The following DUSP16 variants were observed in gnomAD, a reference collection of about 807,000 sequenced individuals.
DUSP16 encodes dual specificity phosphatase 16.
DUSP16 carries 21 observed loss-of-function variants against 58.3 expected under a neutral mutation model. The ratio of observed to expected loss-of-function variants is 0.36; its 90% CI spans 0.26 to 0.52. The LOEUF is 0.52. Among genes scored for constraint, DUSP16 ranks in the 20% least tolerant of loss-of-function variants. The pLI is 0.94. For synonymous variants in DUSP16, 320 were observed against 323.8 expected, an observed-to-expected ratio of 0.99 and a Z score of 0.12; for missense variants, 726 against 819.0, an observed-to-expected ratio of 0.89 and a Z score of 1.39.
chr12:12,557,546 T>G (rs1944825896), intron 1 of DUSP16, among the ~76,000 whole-genome samples: 1 of 152,224 alleles, frequency 6.6e-6, no homozygotes, highest in Non-Finnish European at 1.5e-5. Flanking sequence ...ATTTCTTTTT[T>G]TAAAAACTGG....
intron 1 of DUSP16, among the ~76,000 whole-genome samples, chr12:12,547,127 T>C (rs773375255): frequency 1.3e-5 from 2 of 152,220 alleles, no homozygotes; most frequent in Non-Finnish European, 2.9e-5. Flanking sequence ...TTGTTTGCTC[T>C]ATGTATTTAA....
intron 1 of DUSP16, among the ~76,000 whole-genome samples, chr12:12,551,313 C>T (rs1442538046): frequency 6.6e-6 from 1 of 151,874 alleles, no homozygotes; most frequent in African/African-American, 2.4e-5. Context: ...ACCAGCCTAA[C>T]CAACATGGCG....
At chr12:12,553,716 G>A (rs944350026) in intron 1 of DUSP16, among the ~76,000 whole-genome samples, 2 of 151,690 alleles carry the variant, frequency 1.3e-5, no homozygotes, top group Non-Finnish European at 2.9e-5. Context: ...CCAATTTTTT[G>A]TATTTTTTGT....
Position 12,522,237 on chromosome 12 carries a change from T to C in DUSP16, c.-365-774A>G, listed in dbSNP as rs561650192. 3.9e-5 allele frequency among the ~76,000 whole-genome samples: 6 copies of C among 152,248 alleles called. No homozygotes were observed. The East Asian group carries it at 1.2e-3, about 29-fold the overall frequency. ...CAAGTTGCTTAAGGCCCTGTAAGCT[T>C]ATCCTTCACTTTTTCCTGCTTCATT... is the stretch of plus-strand genomic sequence containing the variant. On this transcript the variant is annotated intron_variant, in intron 1 of 6. Coordinates refer to ENST00000298573, the MANE Select transcript of DUSP16 (RefSeq NM_030640.3).
chr12:12,498,426 A>ATTTAT (rs1943863211), intron 4 of DUSP16, among the ~76,000 whole-genome samples: 1 of 150,710 alleles, frequency 6.6e-6, no homozygotes, highest in Admixed American at 6.6e-5. Flanking sequence ...TTATTTATTT[A>ATTTAT]TTTTTTGAGA....
chr12:12,559,305 A>G (rs1298665693), intron 1 of DUSP16, among the ~76,000 whole-genome samples: 1 of 152,238 alleles, frequency 6.6e-6, no homozygotes, highest in African/African-American at 2.4e-5. Context: ...TTTCTTTTAA[A>G]GCCAATCAAG....
intron 1 of DUSP16, among the ~76,000 whole-genome samples, chr12:12,553,926 A>G (rs375295961): frequency 1.1e-4 from 16 of 152,268 alleles, no homozygotes; most frequent in African/African-American, 3.6e-4. Context: ...GGCCAGGAGC[A>G]GTGGATTACA....
chr12:12,559,351 C>T (rs1295127101), intron 1 of DUSP16, among the ~76,000 whole-genome samples: 1 of 152,212 alleles, frequency 6.6e-6, no homozygotes, highest in East Asian at 1.9e-4. Context: ...ATCTTTTTAA[C>T]TAGTTTCTTT....
chr12:12,541,680 A>C (rs1276718238), intron 1 of DUSP16, among the ~76,000 whole-genome samples: 5 of 152,238 alleles, frequency 3.3e-5, no homozygotes, highest in Non-Finnish European at 5.9e-5. Flanking sequence ...CTCTGTCTAC[A>C]TGTGTTCCAC....
intron 1 of DUSP16, among the ~76,000 whole-genome samples, chr12:12,522,096 A>G (rs1365720599): frequency 6.6e-6 from 1 of 152,212 alleles, no homozygotes; most frequent in Non-Finnish European, 1.5e-5. Flanking sequence ...AGGAAGAGGA[A>G]GGACAAAAAC....
chr12:12,477,952 G>C lies in DUSP16; in HGVS notation c.879C>G (p.Asp293Glu), dbSNP rs747271129. The change falls in exon 7 of 7, where the codon GAC (aspartate) becomes GAG (glutamate). Residue 293 changes from aspartate (D) to glutamate (E), a missense_variant. Transcript: ENST00000298573. The surrounding 1 kb of genome is among the most constrained non-coding windows in gnomAD (Gnocchi z 4.1). ...TCTGGTTCTTAATCTTCTTCTCATAGTCCAGGAGTTGGCCCAGAAAATTGA... is the reference window on the plus strand; with the variant it reads ...TCTGGTTCTTAATCTTCTTCTCATACTCCAGGAGTTGGCCCAGAAAATTGA... ...PNFNFLGQLL[D>E]YEKKIKNQTG... 2.5e-6 allele frequency: 4 copies of C among 1,612,582 alleles called. No homozygotes were observed. In the African/African-American group the frequency reaches 5.3e-5, roughly 22 times the overall value.
At chr12:12,560,248 AAATT>A (rs1009234406) in intron 1 of DUSP16, among the ~76,000 whole-genome samples, 3 of 152,204 alleles carry the variant, frequency 2.0e-5, no homozygotes, top group Admixed American at 6.5e-5. Context: ...AAGAAAAAAA[AAATT>A]AATTACCACA....
chr12:12,553,831 G>A (rs1034914431), intron 1 of DUSP16, among the ~76,000 whole-genome samples: 1 of 152,050 alleles, frequency 6.6e-6, no homozygotes, highest in African/African-American at 2.4e-5. Context: ...CACCATGCCT[G>A]GCCTCTTACG....
intron 3 of DUSP16, among the ~76,000 whole-genome samples, chr12:12,502,842 T>C (rs958397910): frequency 1.3e-5 from 2 of 152,056 alleles, no homozygotes; most frequent in Non-Finnish European, 2.9e-5. Flanking sequence ...AATGATGACC[T>C]CCAGCCACAT....
intron 3 of DUSP16, among the ~76,000 whole-genome samples, chr12:12,509,036 TCTG>T (rs1217352047): frequency 6.6e-6 from 1 of 152,340 alleles, no homozygotes; most frequent in South Asian, 2.1e-4. Flanking sequence ...TGGTAACTAT[TCTG>T]CTGATCTTTT....
chr12:12,479,655 C>T (rs373126837), intron 6 of DUSP16, among the ~76,000 whole-genome samples: 49 of 152,314 alleles, frequency 3.2e-4, no homozygotes, highest in African/African-American at 1.1e-3. Context: ...TGAACCATCT[C>T]TACCCAACGA....
rs1195335618 is a variant in DUSP16 at position 12,476,520 on chromosome 12, C to T, written c.*313G>A. 2 of 227,164 alleles carry T rather than the reference C, an allele frequency of 8.8e-6. No homozygotes were observed. The highest frequency in any genetic ancestry group is 1.7e-5 in the Non-Finnish European group (2 of 117,772). The allele number at this position is 227,164 out of a possible 1,614,324, so 14.1% of individuals were successfully genotyped here. A position where few individuals can be genotyped will look rare whatever the true frequency, so the allele number is the denominator to read the frequency against. ...ACGTGAAAATGGTAGGGGATTTTGT[C>T]CTCCAACACCAAAGACACTTGCTTT... On this transcript the variant is annotated 3_prime_UTR_variant, in exon 7 of 7. Coordinates refer to ENST00000298573, the MANE Select transcript of DUSP16 (RefSeq NM_030640.3).
intron 3 of DUSP16, chr12:12,506,312 T>C (rs189621773): frequency 6.6e-6 from 1 of 152,364 alleles, no homozygotes; most frequent in African/African-American, 2.4e-5. Context: ...CTGCTCCAAA[T>C]GGCTAACGGA....
chr12:12,513,303 A>G (rs770109800), intron 3 of DUSP16, among the ~76,000 whole-genome samples: 2 of 152,238 alleles, frequency 1.3e-5, no homozygotes, highest in Non-Finnish European at 2.9e-5. Context: ...AATGCTTTAA[A>G]ACAATTTATA....
Sources: allele counts gnomAD v4.1 joint callset (sites outside exome capture counted in the v4.1 genomes callset), GRCh38; gene constraint gnomAD v4.1.1; non-coding constraint Gnocchi (gnomAD v3.1); transcripts MANE v1.5; gene names NCBI Gene and HGNC (gene_info 2026-07-23, HGNC 2026-07-21).